The following MAP3K3 variants were observed in gnomAD, a reference collection of about 807,000 sequenced individuals.
The protein encoded by MAP3K3 is MAP/ERK kinase kinase 3.
In MAP3K3, 12 loss-of-function variants were observed where a neutral mutation model predicts 80.9. The observed-to-expected ratio is 0.15, with a 90% confidence interval of 0.10 to 0.24. The LOEUF is 0.24. Among genes scored for constraint, MAP3K3 ranks in the 10% least tolerant of loss-of-function variants. MAP3K3 has a pLI of 1.00. For missense variants in MAP3K3, 596 were observed against 834.7 expected (o/e 0.71, Z 3.52); for synonymous variants, 272 against 307.1 (o/e 0.89, Z 1.19).
chr17:63,693,685 C>T lies in MAP3K3; in HGVS notation c.1789C>T (p.Arg597Trp), dbSNP rs1311899564. 3 of 1,607,732 alleles carry T rather than the reference C, an allele frequency of 1.9e-6. No homozygotes were observed. Among genetic ancestry groups the T allele is most frequent in the Non-Finnish European group, 2.5e-6 (3 of 1,176,616 alleles). The change falls in exon 16 of 16, where the codon CGG becomes TGG. Residue 597 changes from arginine to tryptophan, a missense_variant. Arg to Trp is a moderately radical substitution (Grantham distance 101, BLOSUM62 -3). Transcript: ENST00000361733. The surrounding 1 kb of genome is among the most constrained non-coding windows in gnomAD (Gnocchi z 4.2). ...GCCCTCCCACATCTCTGAACATGGC[C>T]GGGACTTCCTGAGGCGCATTTTTGT... The part of the protein sequence containing the change: ...QLPSHISEHG[R>W]DFLRRIFVEA...
Position 63,695,283 on chromosome 17 carries a change from A to G in MAP3K3, c.*1506A>G, listed in dbSNP as rs2035669425. The stretch of plus-strand genomic sequence containing the variant: ...GTTTTTAGCCTTTTCACATCATGTA[A>G]TGTGAGGCCTTGTACTTGTTAATTT... On this transcript the variant is annotated 3_prime_UTR_variant, in exon 16 of 16. Coordinates refer to ENST00000361733, the MANE Select transcript of MAP3K3 (RefSeq NM_002401.5). This position sits in a 1 kb window ranked among gnomAD's most constrained non-coding sequence, Gnocchi z 4.1. 1 of 152,658 alleles carries G rather than the reference A, an allele frequency of 6.6e-6. No homozygotes were observed. The highest frequency in any genetic ancestry group is 6.5e-5 in the Admixed American group (1 of 15,288). 9.5% of individuals were successfully genotyped at this position (152,658 alleles called of 1,614,324 possible). A position where few individuals can be genotyped will look rare whatever the true frequency, so the allele number is the denominator to read the frequency against.
chr17:63,664,132 A>G (rs1013684656), intron 5 of MAP3K3, among the ~76,000 whole-genome samples: 11 of 150,640 alleles, frequency 7.3e-5, no homozygotes, highest in Non-Finnish European at 1.5e-4. Flanking sequence ...CTGTAGTCCC[A>G]GCTACTTGGG....
At chr17:63,638,779 G>T (rs565783856) in intron 2 of MAP3K3, among the ~76,000 whole-genome samples, 27 of 152,310 alleles carry the variant, frequency 1.8e-4, no homozygotes, top group Non-Finnish European at 1.0e-4. Context: ...AGGAGTGGTG[G>T]CTCATGCCTG....
intron 8 of MAP3K3, 37 bp from the exon 9 acceptor site, chr17:63,688,490 T>A (rs2035508775): frequency 6.5e-7 from 1 of 1,543,136 alleles, no homozygotes; most frequent in African/African-American, 1.4e-5. Flanking sequence ...GCTGTGGAAG[T>A]GTGCGGGAGT....
chr17:63,655,833 T>A (rs932642496), intron 4 of MAP3K3, among the ~76,000 whole-genome samples: 2 of 152,178 alleles, frequency 1.3e-5, no homozygotes, highest in African/African-American at 4.8e-5. Context: ...TCTTATTTAT[T>A]CCCACTTTGA....
At chr17:63,628,243 A>G (rs2034143923) in intron 1 of MAP3K3, among the ~76,000 whole-genome samples, 1 of 151,734 alleles carries the variant, frequency 6.6e-6, no homozygotes, top group Non-Finnish European at 1.5e-5. Context: ...TCTGTTAACA[A>G]TTATGTAAAA....
At chr17:63,673,115 G>A (rs1263692522) in intron 6 of MAP3K3, among the ~76,000 whole-genome samples, 1 of 152,164 alleles carries the variant, frequency 6.6e-6, no homozygotes, top group Non-Finnish European at 1.5e-5. Flanking sequence ...GCATTGATGG[G>A]GAAGCGCAGG....
chr17:63,654,132 G>T (rs533110089), intron 4 of MAP3K3, among the ~76,000 whole-genome samples: 1 of 152,210 alleles, frequency 6.6e-6, no homozygotes, highest in African/African-American at 2.4e-5. Flanking sequence ...GCCTCCCAAA[G>T]TGCTGGGATT....
rs565742259 is a variant in MAP3K3, at chr17:63,625,691, T to A, written c.4+2928T>A. Among the ~76,000 whole-genome samples, 45 of 152,302 alleles carry A rather than the reference T, an allele frequency of 3.0e-4. 1 individual carries two copies. The highest frequency in any genetic ancestry group is 3.4e-3 in the Middle Eastern group (1 of 294). ...CTGAATAGTTAGCAGCTGTTTTGATTGAAATTTGAATCACAGTTTAATAAA... is the reference window on the plus strand; with the variant it reads ...CTGAATAGTTAGCAGCTGTTTTGATAGAAATTTGAATCACAGTTTAATAAA... On this transcript the variant is annotated intron_variant, in intron 1 of 15. Coordinates refer to ENST00000361733, the MANE Select transcript of MAP3K3 (RefSeq NM_002401.5).
chr17:63,666,154 G>C (rs907259479), intron 5 of MAP3K3, among the ~76,000 whole-genome samples: 8 of 152,056 alleles, frequency 5.3e-5, no homozygotes, highest in Non-Finnish European at 1.0e-4. Context: ...AAGAGTGGGT[G>C]GGTGCTGGGA....
intron 2 of MAP3K3, among the ~76,000 whole-genome samples, chr17:63,637,708 T>G (rs1453800775): frequency 6.6e-6 from 1 of 152,214 alleles, no homozygotes; most frequent in Non-Finnish European, 1.5e-5. Flanking sequence ...GTTTATCTGA[T>G]GATCTTTGCA....
chr17:63,661,413 T>C (rs2034888785), intron 5 of MAP3K3, among the ~76,000 whole-genome samples: 1 of 152,182 alleles, frequency 6.6e-6, no homozygotes, highest in Non-Finnish European at 1.5e-5. Context: ...TACTTCATTG[T>C]CTCCTTCTGT....
intron 6 of MAP3K3, among the ~76,000 whole-genome samples, chr17:63,678,803 G>C (rs1242681074): frequency 6.6e-6 from 1 of 152,176 alleles, no homozygotes; most frequent in African/African-American, 2.4e-5. Flanking sequence ...GCTGAGACAG[G>C]CAGATCACCT....
Position 63,688,897 on chromosome 17 carries a change from C to T in MAP3K3, c.871+16C>T, listed in dbSNP as rs1453897129. The T allele has an allele frequency of 3.0e-5, 47 of 1,589,838 alleles. No homozygotes were observed. Among genetic ancestry groups the T allele is most frequent in the Non-Finnish European group, 4.1e-5 (47 of 1,157,938 alleles). On this transcript the variant is annotated intron_variant, in intron 10 of 15. Coordinates refer to ENST00000361733, the MANE Select transcript of MAP3K3 (RefSeq NM_002401.5). ...TACAGTGATGGTGAGTTCTTCTTCA[C>T]CTGCTCCCTGCTGGCTGCCTCAAGA...
chr17:63,677,122 A>G (rs2035235403), intron 6 of MAP3K3, among the ~76,000 whole-genome samples: 1 of 152,210 alleles, frequency 6.6e-6, no homozygotes, highest in Non-Finnish European at 1.5e-5. Flanking sequence ...CACATTTATA[A>G]CTTCCGAAAG....
intron 3 of MAP3K3, among the ~76,000 whole-genome samples, chr17:63,649,041 G>A (rs1257625256): frequency 6.6e-6 from 1 of 152,188 alleles, no homozygotes; most frequent in Non-Finnish European, 1.5e-5. Context: ...TAATGGAAAT[G>A]TTCTATATCT....
At chr17:63,630,355 G>A (rs2034190461) in intron 1 of MAP3K3, among the ~76,000 whole-genome samples, 1 of 151,900 alleles carries the variant, frequency 6.6e-6, no homozygotes, top group Non-Finnish European at 1.5e-5. Flanking sequence ...TTTGGGACAG[G>A]GTCTCACTGT....
At chr17:63,687,233 C>T (rs1285233435) in intron 8 of MAP3K3, among the ~76,000 whole-genome samples, 2 of 149,520 alleles carry the variant, frequency 1.3e-5, no homozygotes, top group Admixed American at 6.7e-5. Context: ...AAGCCAGGCG[C>T]GGTGGCTCCT....
Position 63,689,113 on chromosome 17 carries a change from T to A in MAP3K3, c.871+232T>A, listed in dbSNP as rs2035526249. 6.8e-6 allele frequency: 4 copies of A among 586,074 alleles called. No individual in the cohort carries two copies. The highest frequency in any genetic ancestry group is 1.2e-5 in the Non-Finnish European group (4 of 330,028). The allele number at this position is 586,074 out of a possible 1,614,324, so 36.3% of individuals were successfully genotyped here. A position where few individuals can be genotyped will look rare whatever the true frequency, so the allele number is the denominator to read the frequency against. ...CTGACCTTGTTTGAAGCCAGTGGTG[T>A]GCTCCAGGGGCACCATCTCTCCCAT... is the stretch of plus-strand genomic sequence containing the variant. On this transcript the variant is annotated intron_variant, in intron 10 of 15. Transcript: ENST00000361733. This position sits in a 1 kb window ranked among gnomAD's most constrained non-coding sequence, Gnocchi z 4.3.
Sources: gnomAD v4.1 joint callset for allele counts (sites outside exome capture counted in the v4.1 genomes callset) on GRCh38, gnomAD v4.1.1 for gene constraint, Gnocchi (gnomAD v3.1) non-coding constraint, MANE v1.5 for transcripts, NCBI Gene and HGNC (gene_info 2026-07-23, HGNC 2026-07-21) for gene names.